EP300: variants seen among roughly 807,000 people sequenced by gnomAD.
EP300 encodes the protein EP300 lysine acetyltransferase.
EP300 carries 31 observed loss-of-function variants against 264.0 expected under a neutral mutation model. The ratio of observed to expected loss-of-function variants is 0.12; its 90% confidence interval spans 0.09 to 0.16. The LOEUF is 0.16. EP300 is among the 10% of genes least tolerant of loss of function. EP300 has a pLI of 1.00. For missense variants in EP300, 2,766 were observed against 3,052.9 expected (o/e 0.91, Z 2.21); for synonymous variants, 1,340 against 1,045.4 (o/e 1.28, Z -5.44).
intron 11 of EP300, among the ~76,000 whole-genome samples, chr22:41,147,303 C>CA (rs11306415): frequency 2.0e-3 from 244 of 123,102 alleles, no homozygotes; most frequent in East Asian, 3.7e-3. Flanking sequence ...GACTTCGTCT[C>CA]AAAAAAAAAA....
chr22:41,145,156 T>G (rs569091975), intron 10 of EP300, among the ~76,000 whole-genome samples: 102 of 152,354 alleles, frequency 6.7e-4, no homozygotes, highest in Admixed American at 1.8e-3. Context: ...AAACATTGTT[T>G]TGTAGATAGT....
chr22:41,121,818 G>A (rs553650938), intron 2 of EP300, among the ~76,000 whole-genome samples: 2 of 152,242 alleles, frequency 1.3e-5, no homozygotes, highest in South Asian at 4.1e-4. Context: ...CAGATAATAG[G>A]ACTCTTGAGG....
At chr22:41,161,136 T>C (rs2059105773) in intron 20 of EP300, among the ~76,000 whole-genome samples, 1 of 152,184 alleles carries the variant, frequency 6.6e-6, no homozygotes, top group African/African-American at 2.4e-5. Flanking sequence ...AGTTTGAGGG[T>C]GATTGAACTG....
chr22:41,137,613 C>G, intron 7 of EP300, 40 bp from the exon 8 acceptor site: 1 of 1,613,900 alleles, frequency 6.2e-7, no homozygotes, highest in Non-Finnish European at 8.5e-7. Context: ...TCTTCTCCTA[C>G]CTTTCTTCAC....
intron 23 of EP300, among the ~76,000 whole-genome samples, chr22:41,167,560 TTGTGTGTGTG>T (rs71328777): frequency 1.2e-4 from 6 of 51,114 alleles, no homozygotes; most frequent in African/African-American, 3.5e-4. Flanking sequence ...GTTTATATAT[TTGTGTGTGTG>T]TGTGTGTGTG....
At chr22:41,176,104 C>T (rs750501647) in intron 29 of EP300, 143 bp from the exon 30 acceptor site, 11 of 920,496 alleles carry the variant, frequency 1.2e-5, no homozygotes, top group Non-Finnish European at 1.9e-5. Flanking sequence ...CCTGTGGTCT[C>T]AGCTATTCAG....
chr22:41,122,724 A>G (rs1038232022), intron 2 of EP300, among the ~76,000 whole-genome samples: 48 of 152,034 alleles, frequency 3.2e-4, no homozygotes, highest in Admixed American at 2.2e-3. Context: ...TGTCATATTC[A>G]TAGATTTGCA....
intron 17 of EP300, among the ~76,000 whole-genome samples, chr22:41,155,808 AC>A (rs973417926): frequency 6.6e-6 from 1 of 152,112 alleles, no homozygotes; most frequent in Non-Finnish European, 1.5e-5. Flanking sequence ...AGTAGCACAT[AC>A]CTATTTATAG....
At position 41,173,931 on chromosome 22, in the gene EP300, G is replaced by T; in HGVS notation, c.4779+147G>T. On this transcript the variant is annotated intron_variant, in intron 29 of 30. Coordinates refer to ENST00000263253, the MANE Select transcript of EP300 (RefSeq NM_001429.4). ...GTTCAAGACCAGCCTGACCAACACG[G>T]TGAAACCTTGCTCTACTAAAAATAC... 7 of 906,444 alleles carry T rather than the reference G, an allele frequency of 7.7e-6. No individual in the cohort carries two copies. In the South Asian group the frequency reaches 8.4e-5, roughly 11 times the overall value. The allele number at this position is 906,444 out of a possible 1,614,324, so 56.2% of individuals were successfully genotyped here.
In EP300 at chr22:41,165,126, T is replaced by C. The variant is rs149883978; in HGVS notation, c.3806+996T>C. Among the ~76,000 whole-genome samples the C allele has an allele frequency of 7.9e-5, 12 of 152,350 alleles. No individual in the cohort carries two copies. In the East Asian group the frequency reaches 2.3e-3, roughly 29 times the overall value. On this transcript the variant is annotated intron_variant, in intron 22 of 30. Coordinates refer to ENST00000263253, the MANE Select transcript of EP300 (RefSeq NM_001429.4). The stretch of plus-strand genomic sequence containing the variant: ...ATAGGTGATGGTTTAGTGGATACTT[T>C]ATTTTCAGTGTGACTTGTCTTTTAA...
intron 1 of EP300, among the ~76,000 whole-genome samples, chr22:41,098,607 G>T (rs778465821): frequency 6.6e-6 from 1 of 152,174 alleles, no homozygotes; most frequent in South Asian, 2.1e-4. Context: ...CACTGACCTC[G>T]TGATCCGCCC....
chr22:41,146,163 C>CT (rs2059009549), intron 10 of EP300, among the ~76,000 whole-genome samples: 1 of 122,490 alleles, frequency 8.2e-6, no homozygotes, highest in Non-Finnish European at 1.7e-5. Context: ...ATGATGGCCT[C>CT]AATTTTTTTT....
chr22:41,149,712 CT>C, intron 13 of EP300, 48 bp from the exon 14 acceptor site: 1 of 1,584,336 alleles, frequency 6.3e-7, no homozygotes, highest in Non-Finnish European at 8.7e-7. Context: ...TAAGTATTTC[CT>C]TAATTCTGTT....
intron 1 of EP300, among the ~76,000 whole-genome samples, chr22:41,093,820 C>T (rs1026045005): frequency 1.3e-5 from 2 of 152,132 alleles, no homozygotes; most frequent in South Asian, 2.1e-4. Flanking sequence ...CAGTCACTTT[C>T]TCATTTTAGG....
At chr22:41,165,405 T>C (rs1393015745) in intron 22 of EP300, among the ~76,000 whole-genome samples, 1 of 152,214 alleles carries the variant, frequency 6.6e-6, no homozygotes, top group Non-Finnish European at 1.5e-5. Flanking sequence ...CACTCTTTTG[T>C]ACATACAATC....
chr22:41,175,617 GAGTCCAGGCC>G (rs1260863024), intron 29 of EP300, among the ~76,000 whole-genome samples: 9 of 152,182 alleles, frequency 5.9e-5, no homozygotes, highest in Admixed American at 4.6e-4. Context: ...GGACCTTCAT[GAGTCCAGGCC>G]AGTTGTTTTT....
chr22:41,171,663 T>C (rs192816476), intron 27 of EP300, among the ~76,000 whole-genome samples: 23 of 151,974 alleles, frequency 1.5e-4, no homozygotes, highest in African/African-American at 4.8e-4. Context: ...TTTTTTTTTT[T>C]TGGACGGAGT....
rs2059115281 is a variant in EP300, at chr22:41,162,851, CATGACCAATCAGATGAT to C, written c.3728+73_3728+89del. 6 of 1,245,344 alleles carry C rather than the reference CATGACCAATCAGATGAT, an allele frequency of 4.8e-6. No homozygotes were observed. The East Asian group carries it at 1.4e-4, about 29-fold the overall frequency. The allele number at this position is 1,245,344 out of a possible 1,614,324, so 77.1% of individuals were successfully genotyped here. A position where few individuals can be genotyped will look rare whatever the true frequency, so the allele number is the denominator to read the frequency against. Reference sequence around the variant, plus strand: ...TTCCCTTTCATTCTCTTGAAGTTTGCATGACCAATCAGATGATCCTATATTCTTGGGCTAAATCTACA... The same window carrying C: ...TTCCCTTTCATTCTCTTGAAGTTTGCCCTATATTCTTGGGCTAAATCTACA... On this transcript the variant is annotated intron_variant, in intron 21 of 30. Transcript: ENST00000263253.
chr22:41,137,084 C>T (rs1227017381), intron 7 of EP300, among the ~76,000 whole-genome samples: 2 of 151,012 alleles, frequency 1.3e-5, no homozygotes, highest in African/African-American at 4.9e-5. Context: ...AATGGCTGGG[C>T]TCAGTGGCTC....
Sources: gnomAD v4.1 joint callset for allele counts (sites outside exome capture counted in the v4.1 genomes callset) on GRCh38, gnomAD v4.1.1 for gene constraint, MANE v1.5 for transcripts, NCBI Gene and HGNC (gene_info 2026-07-23, HGNC 2026-07-21) for gene names.